Variants in CASK observed in about 807,000 individuals in gnomAD.
The protein encoded by CASK is peripheral plasma membrane protein CASK.
Under a neutral mutation model 82.9 loss-of-function variants are expected in CASK, and 4 were observed. That is an observed-to-expected ratio of 0.05 (90% CI 0.02 to 0.11). The LOEUF is 0.11. Ranked by LOEUF, CASK falls within the 10% of genes least tolerant of loss-of-function variation. The pLI, the probability that CASK is intolerant of heterozygous loss-of-function variation, is 1.00. For synonymous variants in CASK, 259 were observed against 253.5 expected (o/e 1.02, Z -0.20); for missense variants, 358 against 720.9 (o/e 0.50, Z 5.76).
At chrX:41,846,027 A>T (rs2071148273) in intron 2 of CASK, among the ~76,000 whole-genome samples, 1 of 111,506 alleles carries the variant, frequency 9.0e-6, no homozygotes, top group African/African-American at 3.3e-5. Context: ...TTCCTCAAAA[A>T]ACTAAAAATA....
intron 1 of CASK, among the ~76,000 whole-genome samples, chrX:41,918,969 T>C (rs2072738744): frequency 8.9e-6 from 1 of 112,253 alleles, no homozygotes; most frequent in Non-Finnish European, 1.9e-5. Context: ...CGGATGATTC[T>C]AATATGCAGC....
intron 3 of CASK, among the ~76,000 whole-genome samples, chrX:41,774,091 G>T (rs2069302124): frequency 9.0e-6 from 1 of 111,323 alleles, no homozygotes; most frequent in African/African-American, 3.3e-5. Flanking sequence ...TGTAGGCCAG[G>T]GCAATTAGGC....
intron 1 of CASK, among the ~76,000 whole-genome samples, chrX:41,862,823 G>A (rs192661841): frequency 3.1e-4 from 35 of 111,868 alleles, no homozygotes; most frequent in African/African-American, 1.1e-3. Context: ...GGTGGTTGGG[G>A]TTGAGTTGTA....
At chrX:41,674,726 G>A (rs751834381) in intron 5 of CASK, among the ~76,000 whole-genome samples, 2 of 110,915 alleles carry the variant, frequency 1.8e-5, no homozygotes, top group African/African-American at 6.6e-5. Context: ...TGCCAAGAGG[G>A]AATAAGGAAT....
chrX:41,596,235 C>T (rs1364806739), intron 12 of CASK, among the ~76,000 whole-genome samples: 1 of 110,031 alleles, frequency 9.1e-6, no homozygotes, highest in East Asian at 2.8e-4. Context: ...CTAATCCTAT[C>T]CTGGCAAGAT....
At chrX:41,649,428 G>T (rs902493635) in intron 8 of CASK, among the ~76,000 whole-genome samples, 2 of 111,890 alleles carry the variant, frequency 1.8e-5, no homozygotes, top group African/African-American at 6.5e-5. Flanking sequence ...TGCTTTAAAT[G>T]TGTCCCAGAG....
intron 5 of CASK, among the ~76,000 whole-genome samples, chrX:41,671,753 T>C (rs1325991995): frequency 8.9e-6 from 1 of 112,208 alleles, no homozygotes; most frequent in Non-Finnish European, 1.9e-5. Flanking sequence ...CTTTAGGTAT[T>C]ATTTGCTTGT....
chrX:41,605,830 CA>C (rs1186704328), intron 12 of CASK, among the ~76,000 whole-genome samples: 3 of 110,858 alleles, frequency 2.7e-5, no homozygotes, highest in Admixed American at 9.6e-5. Flanking sequence ...AGGCATGCGC[CA>C]CCATGCCTAG....
Position 41,660,312 on chromosome X carries a change from A to G in CASK, c.831+127T>C. 11 of 576,552 alleles carry G rather than the reference A, an allele frequency of 1.9e-5. No homozygotes were observed. The South Asian group carries it at 2.5e-4, about 13-fold the overall frequency. 47.5% of individuals were successfully genotyped at this position (576,552 alleles called of 1,213,427 possible). A position where few individuals can be genotyped will look rare whatever the true frequency, so the allele number is the denominator to read the frequency against. On this transcript the variant is annotated intron_variant, in intron 8 of 26. Transcript: ENST00000378163. Reference sequence around the variant, plus strand: ...ATGTGCAGGAACAGCAAACAAGATGAAAAAAACTAATGAAAACTGCTCAGA... The same window carrying G: ...ATGTGCAGGAACAGCAAACAAGATGGAAAAAACTAATGAAAACTGCTCAGA...
At chrX:41,624,339 T>C (rs2066332947) in intron 10 of CASK, 2 of 335,998 alleles carry the variant, frequency 6.0e-6, no homozygotes, top group Admixed American at 3.0e-5. Context: ...GGAAGGGCTC[T>C]GGATAATGAC....
intron 3 of CASK, among the ~76,000 whole-genome samples, chrX:41,750,447 C>T (rs193277829): frequency 2.3e-4 from 26 of 111,322 alleles, no homozygotes; most frequent in Admixed American, 2.1e-3. Flanking sequence ...TGTCAAGAAC[C>T]CCCAAAGAAC....
At chrX:41,813,852 G>C (rs1223286957) in intron 2 of CASK, among the ~76,000 whole-genome samples, 1 of 111,524 alleles carries the variant, frequency 9.0e-6, no homozygotes, top group Admixed American at 9.5e-5. Flanking sequence ...ATCTGACAAA[G>C]GGCTAATATC....
intron 2 of CASK, among the ~76,000 whole-genome samples, chrX:41,817,659 G>C (rs926644893): frequency 1.8e-5 from 2 of 111,044 alleles, no homozygotes; most frequent in Non-Finnish European, 3.8e-5. Context: ...TTTTGGACTA[G>C]AGAGCTCAAT....
chrX:41,821,164 A>G (rs970387065), intron 2 of CASK, among the ~76,000 whole-genome samples: 68 of 111,852 alleles, frequency 6.1e-4, no homozygotes, highest in Middle Eastern at 4.2e-3. Flanking sequence ...CTGGGAAAAC[A>G]TATTTGCAAT....
intron 2 of CASK, among the ~76,000 whole-genome samples, chrX:41,852,443 A>G (rs2071283302): frequency 8.9e-6 from 1 of 111,801 alleles, no homozygotes; most frequent in African/African-American, 3.2e-5. Flanking sequence ...ATCATGATCA[A>G]TTGTGCCATC....
chrX:41,580,292 T>C (rs892328107), intron 14 of CASK, among the ~76,000 whole-genome samples: 3 of 111,877 alleles, frequency 2.7e-5, no homozygotes, highest in Admixed American at 9.5e-5. Context: ...GTGAACCTTC[T>C]ACCTCAGCCT....
chrX:41,517,666 A>AAAAG lies in CASK; in HGVS notation c.*2750_*2753dup, dbSNP rs961420342. ...ACTCTAAACATTCATTCTGGTCTTTAAAAGAAAGAAAGAAAAAAAAAGGTT... is the reference window on the plus strand; with the variant it reads ...ACTCTAAACATTCATTCTGGTCTTTAAAAGAAAGAAAGAAAGAAAAAAAAAGGTT... On this transcript the variant is annotated 3_prime_UTR_variant, in exon 27 of 27. Transcript: ENST00000378163. 3.3e-5 allele frequency: 15 copies of AAAAG among 457,024 alleles called. No individual in the cohort carries two copies. The highest frequency in any genetic ancestry group is 2.5e-4 in the African/African-American group (10 of 39,989). The allele number at this position is 457,024 out of a possible 1,213,427, so 37.7% of individuals were successfully genotyped here.
Position 41,810,549 on chromosome X carries a change from C to T in CASK, c.173-23266G>A, listed in dbSNP as rs188703619. On this transcript the variant is annotated intron_variant, in intron 2 of 26. Transcript: ENST00000378163. ...AAGCAAATGCTGAGAGATTTTGTCA[C>T]CACCAGGCCTGCCCTACAAGAGCTC... 3.9e-3 allele frequency among the ~76,000 whole-genome samples: 431 copies of T among 111,137 alleles called. 2 individuals are homozygous for T. Among genetic ancestry groups the T allele is most frequent in the African/African-American group, 0.014 (421 of 30,641 alleles).
intron 2 of CASK, among the ~76,000 whole-genome samples, chrX:41,813,499 C>G (rs1190048636): frequency 9.0e-6 from 1 of 111,244 alleles, no homozygotes; most frequent in African/African-American, 3.3e-5. Context: ...GGAAAGTATT[C>G]CCTATTTAAT....
Sources: gnomAD v4.1 joint callset for allele counts (sites outside exome capture counted in the v4.1 genomes callset) on GRCh38, gnomAD v4.1.1 for gene constraint, MANE v1.5 for transcripts, NCBI Gene and HGNC (gene_info 2026-07-23, HGNC 2026-07-21) for gene names.